ENTREP2: variants seen among roughly 807,000 people sequenced by gnomAD.
The protein encoded by ENTREP2 is endosomal transmembrane epsin interactor 2, also known as protein ENTREP2.
the ENTREP2 span, among the ~76,000 whole-genome samples, chr15:29,592,723 G>GT: frequency 2.6e-5 from 4 of 152,158 alleles, no homozygotes; most frequent in Non-Finnish European, 5.9e-5. Context: ...AGGTGTTTGG[G>GT]TTGTGAGGAT....
At chr15:29,276,128 G>A in the ENTREP2 span, among the ~76,000 whole-genome samples, 108 of 152,318 alleles carry the variant, frequency 7.1e-4, 1 homozygote, top group East Asian at 0.014. Context: ...ATATTTTGAT[G>A]AAGCAGCAAC....
At chr15:29,154,277 T>G in the ENTREP2 span, among the ~76,000 whole-genome samples, 100 of 152,244 alleles carry the variant, frequency 6.6e-4, no homozygotes, top group Non-Finnish European at 1.3e-3. Flanking sequence ...TGTTCTTTTT[T>G]TTTGCCTCGT....
the ENTREP2 span, among the ~76,000 whole-genome samples, chr15:29,596,607 T>C: frequency 6.6e-6 from 1 of 152,224 alleles, no homozygotes. Context: ...TTGTGGTACA[T>C]TTAGATCCTT....
the ENTREP2 span, among the ~76,000 whole-genome samples, chr15:29,247,013 A>ACACACACG: frequency 6.6e-6 from 1 of 150,916 alleles, no homozygotes; most frequent in Non-Finnish European, 1.5e-5. Flanking sequence ...ACACACACAC[A>ACACACACG]CGCAAAACCC....
chr15:29,628,772 C>G, the ENTREP2 span, among the ~76,000 whole-genome samples: 1 of 152,074 alleles, frequency 6.6e-6, no homozygotes, highest in Non-Finnish European at 1.5e-5. Context: ...TTATTTAAGA[C>G]AGATCCTCAC....
the ENTREP2 span, among the ~76,000 whole-genome samples, chr15:29,391,464 C>T: frequency 6.6e-6 from 1 of 152,020 alleles, no homozygotes; most frequent in African/African-American, 2.4e-5. Context: ...CAAAGATCAC[C>T]TCATGAAAGA....
At chr15:29,220,733 A>C in the ENTREP2 span, among the ~76,000 whole-genome samples, 1 of 152,124 alleles carries the variant, frequency 6.6e-6, no homozygotes, top group African/African-American at 2.4e-5. Context: ...ATTTAGGAAA[A>C]AGTTATTTAA....
chr15:29,370,977 A>G, the ENTREP2 span, among the ~76,000 whole-genome samples: 3 of 152,160 alleles, frequency 2.0e-5, no homozygotes, highest in Non-Finnish European at 4.4e-5. Flanking sequence ...TCATGTCGCT[A>G]GTTTTCAGCA....
At chr15:29,421,012 C>T in the ENTREP2 span, among the ~76,000 whole-genome samples, 9 of 152,294 alleles carry the variant, frequency 5.9e-5, no homozygotes, top group South Asian at 8.3e-4. Flanking sequence ...GAAAATGACC[C>T]AGTGGAATTC....
chr15:29,260,748 T>G, the ENTREP2 span, among the ~76,000 whole-genome samples: 1 of 95,156 alleles, frequency 1.1e-5, no homozygotes, highest in South Asian at 3.7e-4. Flanking sequence ...CTTTCTACTT[T>G]CACGTTTGAA....
chr15:29,211,772 T>C, the ENTREP2 span, among the ~76,000 whole-genome samples: 2 of 152,216 alleles, frequency 1.3e-5, no homozygotes, highest in Non-Finnish European at 2.9e-5. Context: ...TTATGTGGTG[T>C]ATCACATTTA....
chr15:29,432,954 G>A, the ENTREP2 span, among the ~76,000 whole-genome samples: 5 of 152,148 alleles, frequency 3.3e-5, no homozygotes, highest in South Asian at 2.1e-4. Flanking sequence ...CCTGCTCATC[G>A]CACGCCCACC....
chr15:29,564,541 C>T, the ENTREP2 span, among the ~76,000 whole-genome samples: 2 of 152,164 alleles, frequency 1.3e-5, no homozygotes, highest in Admixed American at 6.5e-5. Context: ...GCCACCACAT[C>T]GACGCTGATT....
At chr15:29,612,670 T>C in the ENTREP2 span, 1 of 153,140 alleles carries the variant, frequency 6.5e-6, no homozygotes, top group Non-Finnish European at 1.5e-5. Flanking sequence ...GACCTACCAG[T>C]ACCTGCCCAG....
At chr15:29,135,831 G>A in the ENTREP2 span, among the ~76,000 whole-genome samples, 1 of 152,302 alleles carries the variant, frequency 6.6e-6, no homozygotes, top group East Asian at 1.9e-4. This position sits in a 1 kb window ranked among gnomAD's most constrained non-coding sequence, Gnocchi z 7.4. Context: ...CAGGACCAGG[G>A]ATCCAGGGCT....
chr15:29,300,325 TG>T, the ENTREP2 span, among the ~76,000 whole-genome samples: 6 of 81,932 alleles, frequency 7.3e-5, no homozygotes, highest in African/African-American at 2.4e-4. Context: ...GATGGATGGA[TG>T]GATGGATGAT....
the ENTREP2 span, among the ~76,000 whole-genome samples, chr15:29,178,214 A>G: frequency 6.7e-6 from 1 of 149,894 alleles, no homozygotes; most frequent in African/African-American, 2.5e-5. Context: ...GGATGGCTGG[A>G]GCCTGGGAGG....
chr15:29,207,408 C>G, the ENTREP2 span, among the ~76,000 whole-genome samples: 2 of 133,642 alleles, frequency 1.5e-5, no homozygotes, highest in Admixed American at 8.8e-5. Flanking sequence ...AGCAAGAGAA[C>G]AGATCTTCCA....
the ENTREP2 span, among the ~76,000 whole-genome samples, chr15:29,349,251 TA>T: frequency 3.3e-5 from 5 of 152,028 alleles, no homozygotes; most frequent in African/African-American, 1.2e-4. Context: ...TTAAAAAAAA[TA>T]AAATGAGAAG....
Sources: allele counts gnomAD v4.1 joint callset (sites outside exome capture counted in the v4.1 genomes callset), GRCh38; gene constraint gnomAD v4.1.1; non-coding constraint Gnocchi (gnomAD v3.1); transcripts MANE v1.5; gene names NCBI Gene and HGNC (gene_info 2026-07-23, HGNC 2026-07-21).